VASN: variants seen among roughly 807,000 people sequenced by gnomAD.
VASN encodes the protein protein slit-like 2.
VASN carries 5 observed loss-of-function variants against 4.8 expected under a neutral mutation model. That is an observed-to-expected ratio of 1.03 (90% CI 0.54 to 2.17). The LOEUF (loss-of-function observed/expected upper bound fraction) is 2.17, where lower values mean the gene tolerates loss of function less well. VASN is among the 30% of genes most tolerant of loss of function. VASN has a pLI of 0.01. For synonymous variants in VASN, 499 were observed against 460.8 expected, an observed-to-expected ratio of 1.08 and a Z score of -1.06; for missense variants, 927 against 948.8, an observed-to-expected ratio of 0.98 and a Z score of 0.30.
At position 4,382,437 on chromosome 16, in the gene VASN, C is replaced by T; in HGVS notation, c.1560C>T (p.Tyr520=). Residue 520 remains tyrosine, a synonymous_variant, in exon 2 of 2, where the codon TAC becomes TAT. Coordinates refer to ENST00000304735, the MANE Select transcript of VASN (RefSeq NM_138440.3). ...TLRLPASLAE[Y]TVTQLRPNAT... is the part of the protein sequence containing the mutation. ...GACTGCCTGCCTCGCTCGCTGAGTA[C>T]ACGGTCACCCAGCTGCGGCCCAACG... 1 of 1,610,330 alleles carries T rather than the reference C, an allele frequency of 6.2e-7. No individual in the cohort carries two copies. The highest frequency in any genetic ancestry group is 8.5e-7 in the Non-Finnish European group (1 of 1,178,848).
intron 1 of VASN, among the ~76,000 whole-genome samples, chr16:4,375,129 C>T (rs560553565): frequency 2.6e-4 from 40 of 152,032 alleles, no homozygotes; most frequent in Admixed American, 1.4e-3. Context: ...CACGTCCCAC[C>T]GCCCCAGGGG....
Position 4,373,699 on chromosome 16 carries a change from C to T in VASN, c.-10+1706C>T, listed in dbSNP as rs1466081615. Among the ~76,000 whole-genome samples the T allele has an allele frequency of 6.6e-5, 10 of 152,270 alleles. No individual in the cohort carries two copies. In the East Asian group the frequency reaches 1.9e-3, roughly 29 times the overall value. On this transcript the variant is annotated intron_variant, in intron 1 of 1. Coordinates refer to ENST00000304735, the MANE Select transcript of VASN (RefSeq NM_138440.3). ...GGGGAGCTGGGACAAGTCCCAAGTA[C>T]AGAAAATTAAGTCCTTGCCTGGGCT...
chr16:4,377,024 GGCACCACGA>G (rs780689219), intron 1 of VASN, among the ~76,000 whole-genome samples: 19 of 152,166 alleles, frequency 1.2e-4, no homozygotes, highest in African/African-American at 3.6e-4. Flanking sequence ...CCCAGACACA[GGCACCACGA>G]GCACCACGAG....
At chr16:4,373,578 C>T (rs927585468) in intron 1 of VASN, among the ~76,000 whole-genome samples, 3 of 152,166 alleles carry the variant, frequency 2.0e-5, no homozygotes, top group African/African-American at 7.2e-5. Flanking sequence ...TGGCACGCAG[C>T]CCAGGGGCCA....
chr16:4,378,321 G>C (rs2054824157), intron 1 of VASN, among the ~76,000 whole-genome samples: 1 of 152,166 alleles, frequency 6.6e-6, no homozygotes, highest in African/African-American at 2.4e-5. Flanking sequence ...AGGCCCAAGG[G>C]GAGCTGCGGC....
Position 4,382,147 on chromosome 16 carries a change from A to C in VASN, c.1270A>C (p.Thr424Pro), listed in dbSNP as rs2055002121. The change falls in exon 2 of 2, where the codon ACA becomes CCA. Residue 424 changes from threonine (T) to proline (P), a missense_variant. Coordinates refer to ENST00000304735, the MANE Select transcript of VASN (RefSeq NM_138440.3). ...CLNGGTCHLG[T>P]RHHLACLCPE... ...CAATGGGGGCACATGCCACCTGGGG[A>C]CACGGCACCACCTGGCGTGCTTGTG... 6 of 1,591,632 alleles carry C rather than the reference A, an allele frequency of 3.8e-6. No homozygotes were observed. The African/African-American group carries it at 6.7e-5, about 18-fold the overall frequency.
rs960379743 is a variant in VASN at position 4,371,885 on chromosome 16, C to T, written c.-118C>T. Reference sequence around the variant, plus strand: ...CGAGCCCGGGGCGGGTGGACGCGGACTCGAACGCAGTTGCTTCGGGACCCA... The same window carrying T: ...CGAGCCCGGGGCGGGTGGACGCGGATTCGAACGCAGTTGCTTCGGGACCCA... On this transcript the variant is annotated 5_prime_UTR_variant, in exon 1 of 2. Transcript: ENST00000304735. The T allele has an allele frequency of 3.9e-5, 6 of 152,222 alleles. No homozygotes were observed. Among genetic ancestry groups the T allele is most frequent in the African/African-American group, 1.2e-4 (5 of 41,568 alleles). The allele number at this position is 152,222 out of a possible 1,614,324, so 9.4% of individuals were successfully genotyped here. A position where few individuals can be genotyped will look rare whatever the true frequency, so the allele number is the denominator to read the frequency against.
chr16:4,373,411 G>T (rs756599141), intron 1 of VASN, among the ~76,000 whole-genome samples: 1 of 152,164 alleles, frequency 6.6e-6, no homozygotes, highest in Non-Finnish European at 1.5e-5. Context: ...CTGTGGGTCC[G>T]GAGGGTCAGA....
intron 1 of VASN, among the ~76,000 whole-genome samples, chr16:4,373,032 T>TG (rs1358241751): frequency 6.6e-6 from 1 of 151,898 alleles, no homozygotes. Context: ...CATAGAGGGG[T>TG]GGCCGGGCTG....
At position 4,382,781 on chromosome 16, in the gene VASN, C is replaced by G. The variant is rs766809185; in HGVS notation, c.1904C>G (p.Pro635Arg). Residue 635 changes from proline to arginine, a missense_variant, in exon 2 of 2, where the codon CCG (proline) becomes CGG (arginine). Pro to Arg is a moderately radical substitution (Grantham distance 103, BLOSUM62 -2). Coordinates refer to ENST00000304735, the MANE Select transcript of VASN (RefSeq NM_138440.3). Reference protein sequence around the residue: ...EGVKVPLEPGPKATEGGGEAL... With the variant: ...EGVKVPLEPGRKATEGGGEAL... ...GTGAAGGTCCCCTTGGAGCCAGGCC[C>G]GAAGGCAACAGAGGGCGGTGGAGAG... 2 of 1,577,656 alleles carry G rather than the reference C, an allele frequency of 1.3e-6. No homozygotes were observed. The highest frequency in any genetic ancestry group is 1.3e-5 in the African/African-American group (1 of 74,094).
At chr16:4,375,221 G>A (rs1201302074) in intron 1 of VASN, among the ~76,000 whole-genome samples, 3 of 152,152 alleles carry the variant, frequency 2.0e-5, no homozygotes, top group Admixed American at 6.5e-5. Flanking sequence ...AGTCACCCAC[G>A]GTGCTACTGA....
intron 1 of VASN, among the ~76,000 whole-genome samples, chr16:4,374,605 G>T (rs1326205405): frequency 6.6e-6 from 1 of 152,186 alleles, no homozygotes; most frequent in East Asian, 1.9e-4. Flanking sequence ...CCCGAGCCCG[G>T]CTGGGCATTG....
intron 1 of VASN, among the ~76,000 whole-genome samples, chr16:4,376,640 G>T (rs2054741168): frequency 6.6e-6 from 1 of 152,160 alleles, no homozygotes; most frequent in African/African-American, 2.4e-5. Context: ...GTCCCCGCCT[G>T]ACCCTGGGCG....
At chr16:4,375,352 C>A (rs1042770252) in intron 1 of VASN, among the ~76,000 whole-genome samples, 1 of 152,236 alleles carries the variant, frequency 6.6e-6, no homozygotes, top group African/African-American at 2.4e-5. Flanking sequence ...GAGCCTCCTC[C>A]CTGCACAGGA....
At position 4,381,936 on chromosome 16, in the gene VASN, C is replaced by T; in HGVS notation, c.1059C>T (p.Thr353=). Residue 353 remains threonine, a synonymous_variant, in exon 2 of 2, where the codon ACC becomes ACT. Coordinates refer to ENST00000304735, the MANE Select transcript of VASN (RefSeq NM_138440.3). ...DYADFGCPAT[T]TTATVPTTRP... ...CCGACTTTGGCTGCCCAGCCACCAC[C>T]ACCACAGCCACAGTGCCCACCACGA... is the stretch of plus-strand genomic sequence containing the variant. 1 of 1,607,484 alleles carries T rather than the reference C, an allele frequency of 6.2e-7. No individual in the cohort carries two copies. The highest frequency in any genetic ancestry group is 8.5e-7 in the Non-Finnish European group (1 of 1,178,820).
intron 1 of VASN, among the ~76,000 whole-genome samples, chr16:4,379,519 C>T (rs957215541): frequency 7.2e-5 from 11 of 152,146 alleles, no homozygotes; most frequent in South Asian, 2.1e-4. Flanking sequence ...GGCTCTAGCT[C>T]GGACTTGCTG....
chr16:4,376,636 G>A (rs1273852318), intron 1 of VASN, among the ~76,000 whole-genome samples: 1 of 152,144 alleles, frequency 6.6e-6, no homozygotes, highest in Non-Finnish European at 1.5e-5. Flanking sequence ...GCCCGTCCCC[G>A]CCTGACCCTG....
At chr16:4,376,058 CCCCCGCTCAATCACCAGCCAGGGGT>C (rs2054716121) in intron 1 of VASN, among the ~76,000 whole-genome samples, 2 of 152,202 alleles carry the variant, frequency 1.3e-5, no homozygotes, top group Non-Finnish European at 2.9e-5. Context: ...CCCATGGGGA[CCCCCGCTCAATCACCAGCCAGGGGT>C]CCCCGCGCCT....
At position 4,381,305 on chromosome 16, in the gene VASN, C is replaced by T. The variant is rs1306350325; in HGVS notation, c.428C>T (p.Ala143Val). Residue 143 changes from alanine to valine, a missense_variant, in exon 2 of 2, where the codon GCC becomes GTC. Ala to Val is a moderately conservative substitution (Grantham distance 64). Transcript: ENST00000304735. ...KNRIRHIQPGAFDTLDRLLEL... is the reference protein window; with the variant it reads ...KNRIRHIQPGVFDTLDRLLEL... The stretch of plus-strand genomic sequence containing the variant: ...CGCATCCGCCACATCCAGCCTGGTG[C>T]CTTCGACACGCTCGACCGCCTCCTG... 1.2e-6 allele frequency: 2 copies of T among 1,612,212 alleles called. No individual in the cohort carries two copies. The highest frequency in any genetic ancestry group is 1.7e-6 in the Non-Finnish European group (2 of 1,179,732).
Sources: gnomAD v4.1 joint callset for allele counts (sites outside exome capture counted in the v4.1 genomes callset) on GRCh38, gnomAD v4.1.1 for gene constraint, MANE v1.5 for transcripts, NCBI Gene and HGNC (gene_info 2026-07-23, HGNC 2026-07-21) for gene names.